The following DRC7 variants were observed in gnomAD, a reference collection of about 807,000 sequenced individuals.
The protein encoded by DRC7 is coiled-coil domain containing 135.
A neutral mutation model predicts 104.4 loss-of-function variants in DRC7; 80 were observed. The ratio of observed to expected loss-of-function variants is 0.77; its 90% confidence interval spans 0.64 to 0.92. The LOEUF (loss-of-function observed/expected upper bound fraction) is 0.92. Among genes scored for constraint, DRC7 ranks in the 40% least tolerant of loss-of-function variants. DRC7 has a pLI of 0.00. For synonymous variants in DRC7, 405 were observed against 447.3 expected (o/e 0.91, Z 1.19); for missense variants, 1,034 against 1,141.1 (o/e 0.91, Z 1.35).
Position 57,729,017 on chromosome 16 carries a change from G to C in DRC7, c.2391+433G>C, listed in dbSNP as rs574730513. On this transcript the variant is annotated intron_variant, in intron 17 of 18. Transcript: ENST00000360716. ...GGGTGAGTAGATAGATAGGTGTATG[G>C]GTATAGGTATGGATAGGTGGGTGGA... 4.6e-5 allele frequency among the ~76,000 whole-genome samples: 7 copies of C among 151,254 alleles called. No individual in the cohort carries two copies. In the East Asian group the frequency reaches 9.8e-4, roughly 21 times the overall value.
At chr16:57,695,119 C>T (rs1166847997) in intron 1 of DRC7, among the ~76,000 whole-genome samples, 3 of 152,052 alleles carry the variant, frequency 2.0e-5, no homozygotes, top group African/African-American at 7.2e-5. Context: ...CTGAAGAGGC[C>T]ACCTGTGTAG....
chr16:57,729,057 GGTGA>G (rs59677714), intron 17 of DRC7, among the ~76,000 whole-genome samples: 17 of 144,308 alleles, frequency 1.2e-4, no homozygotes, highest in African/African-American at 1.9e-4. Flanking sequence ...TGGGTGGGTG[GGTGA>G]GTGAGTGAGT....
In DRC7 at chr16:57,724,544, C is replaced by T. The variant is rs1291620010; in HGVS notation, c.1538-71C>T. On this transcript the variant is annotated intron_variant, in intron 12 of 18. Coordinates refer to ENST00000360716, the MANE Select transcript of DRC7 (RefSeq NM_001289162.2). ...TCTTCTCCCTGGGCCTGGGGTTGGG[C>T]GACCAAGCCAGCAGCCATACTTCCT... 5.9e-6 allele frequency: 7 copies of T among 1,179,950 alleles called. No homozygotes were observed. The African/African-American group carries it at 6.1e-5, about 10-fold the overall frequency. The allele number at this position is 1,179,950 out of a possible 1,614,324, so 73.1% of individuals were successfully genotyped here.
In DRC7 at chr16:57,723,096, C is replaced by T. The variant is rs775200323; in HGVS notation, c.1503C>T (p.Asp501=). Residue 501 remains aspartate (D), a synonymous_variant, in exon 12 of 19, where the codon GAC becomes GAT. Transcript: ENST00000360716. ...ACAAGACCACAGACCTGAAGACAGA[C>T]TACTTCAAGCCTGGCCACCCCCAGG... ...HINKTTDLKT[D]YFKPGHPQAL... 2 of 1,613,870 alleles carry T rather than the reference C, an allele frequency of 1.2e-6. No individual in the cohort carries two copies. Among genetic ancestry groups the T allele is most frequent in the Admixed American group, 1.7e-5 (1 of 60,022 alleles).
intron 3 of DRC7, 73 bp from the exon 4 acceptor site, chr16:57,698,777 T>C (rs1418032551): frequency 2.7e-6 from 4 of 1,485,258 alleles, no homozygotes; most frequent in African/African-American, 2.8e-5. Context: ...GTAGAGCCAA[T>C]GGCAACTCAG....
At chr16:57,730,164 A>AGTGC (rs1181921919) in intron 17 of DRC7, among the ~76,000 whole-genome samples, 1 of 95,210 alleles carries the variant, frequency 1.1e-5, no homozygotes, top group Admixed American at 1.0e-4. Flanking sequence ...TGGATGGATG[A>AGTGC]GTAGGTGGGT....
chr16:57,710,120 C>T (rs1194824997), intron 8 of DRC7, among the ~76,000 whole-genome samples: 1 of 152,102 alleles, frequency 6.6e-6, no homozygotes, highest in Non-Finnish European at 1.5e-5. Context: ...GAGAGAGAAC[C>T]GTTTTCTTAA....
At chr16:57,724,287 G>A (rs1323194244) in intron 12 of DRC7, among the ~76,000 whole-genome samples, 1 of 145,626 alleles carries the variant, frequency 6.9e-6, no homozygotes, top group African/African-American at 2.5e-5. Flanking sequence ...TCCAGCCTGG[G>A]TGACAGAGCG....
At chr16:57,713,184 G>A (rs986872206) in intron 8 of DRC7, among the ~76,000 whole-genome samples, 1 of 152,200 alleles carries the variant, frequency 6.6e-6, no homozygotes, top group African/African-American at 2.4e-5. Flanking sequence ...AATTTTCTGT[G>A]TGTACTTGAC....
At chr16:57,706,780 TCATCCTCCCATCCATC>T (rs1252154923) in intron 7 of DRC7, among the ~76,000 whole-genome samples, 19 of 96,164 alleles carry the variant, frequency 2.0e-4, no homozygotes, top group African/African-American at 6.8e-4. Context: ...ATTGTCTCAC[TCATCCTCCCATCCATC>T]CATCCTCCCA....
In DRC7 at chr16:57,726,211, C is replaced by T. The variant is rs1597812080; in HGVS notation, c.1902C>T (p.Phe634=). The change falls in exon 14 of 19, where the codon TTC becomes TTT. Residue 634 remains phenylalanine (F), a synonymous_variant. Coordinates refer to ENST00000360716, the MANE Select transcript of DRC7 (RefSeq NM_001289162.2). ...ACATCACGGCCTCCAAGCGCGAGTT[C>T]CTGCGGCGCACCGAGGTGGACAGCA... ...EDHITASKRE[F]LRRTEVDSKG... 1.2e-6 allele frequency: 2 copies of T among 1,613,144 alleles called. No individual in the cohort carries two copies. The highest frequency in any genetic ancestry group is 1.7e-6 in the Non-Finnish European group (2 of 1,179,978).
At chr16:57,697,407 CAA>C (rs1339620599) in intron 2 of DRC7, among the ~76,000 whole-genome samples, 3 of 140,680 alleles carry the variant, frequency 2.1e-5, no homozygotes, top group South Asian at 2.3e-4. Context: ...CTGTCTCTAC[CAA>C]AAAAAAAAAA....
rs191965388 is a variant in DRC7 at position 57,704,089 on chromosome 16, G to T, written c.700-787G>T. ...ACAAACAGATGCAGAGAACTTTCGGGTTTAAAATCCGCTTTCATGTCCATT... is the reference window on the plus strand; with the variant it reads ...ACAAACAGATGCAGAGAACTTTCGGTTTTAAAATCCGCTTTCATGTCCATT... On this transcript the variant is annotated intron_variant, in intron 6 of 18. Transcript: ENST00000360716. Among the ~76,000 whole-genome samples the T allele has an allele frequency of 1.2e-4, 18 of 151,966 alleles. No homozygotes were observed. The East Asian group carries it at 3.3e-3, about 28-fold the overall frequency.
intron 7 of DRC7, 21 bp from the exon 8 acceptor site, chr16:57,707,439 T>G: frequency 6.2e-7 from 1 of 1,603,298 alleles, no homozygotes; most frequent in Non-Finnish European, 8.5e-7. Flanking sequence ...TGACTCGTAG[T>G]CACCCACCTT....
intron 8 of DRC7, among the ~76,000 whole-genome samples, chr16:57,718,021 C>T (rs1198162533): frequency 2.6e-5 from 4 of 152,232 alleles, no homozygotes. Context: ...ACTGCCCAGC[C>T]GATGCGGAAA....
At chr16:57,729,072 G>GA (rs1567890332) in intron 17 of DRC7, among the ~76,000 whole-genome samples, 3 of 150,598 alleles carry the variant, frequency 2.0e-5, no homozygotes, top group African/African-American at 7.4e-5. Flanking sequence ...GTGAGTGAGT[G>GA]GATGGATGAG....
chr16:57,730,156 G>T (rs2049042167), intron 17 of DRC7, among the ~76,000 whole-genome samples: 1 of 126,488 alleles, frequency 7.9e-6, no homozygotes. Flanking sequence ...TGGATGGATG[G>T]ATGGATGAGT....
chr16:57,699,408 T>C (rs1192685838), intron 4 of DRC7, among the ~76,000 whole-genome samples: 1 of 151,982 alleles, frequency 6.6e-6, no homozygotes, highest in Non-Finnish European at 1.5e-5. Context: ...ATAAAGCGGG[T>C]CTGTGGGTCC....
rs2048666551 is a variant in DRC7, at chr16:57,702,131, G to A, written c.699+1G>A. The A allele has an allele frequency of 2.5e-6, 4 of 1,613,958 alleles. No homozygotes were observed. The East Asian group carries it at 6.7e-5, about 27-fold the overall frequency. On this transcript the variant is annotated splice_donor_variant, in intron 6 of 18. Transcript: ENST00000360716. LOFTEE classifies it high-confidence loss of function. ...CCCACTCACTGTGAAGCCCAAGGAG[G>A]TATGGTCGGGCTTGAGCTGCCCGGG...
Sources: allele counts gnomAD v4.1 joint callset (sites outside exome capture counted in the v4.1 genomes callset), GRCh38; gene constraint gnomAD v4.1.1; transcripts MANE v1.5; gene names NCBI Gene and HGNC (gene_info 2026-07-23, HGNC 2026-07-21).